The following UBASH3A variants were observed in gnomAD, a reference collection of about 807,000 sequenced individuals.
UBASH3A encodes ubiquitin associated and SH3 domain containing A.
A neutral mutation model predicts 73.5 loss-of-function variants in UBASH3A; 63 were observed. The ratio of observed to expected loss-of-function variants is 0.86; its 90% CI spans 0.70 to 1.06. UBASH3A has a LOEUF of 1.06. UBASH3A is among the 50% of genes least tolerant of loss of function. The pLI is 0.00. For missense variants in UBASH3A, 860 were observed against 859.0 expected (o/e 1.00, Z -0.02); for synonymous variants, 363 against 351.1 (o/e 1.03, Z -0.38).
intron 11 of UBASH3A, 89 bp downstream of exon 11, chr21:42,437,669 G>A: frequency 8.3e-7 from 1 of 1,204,344 alleles, no homozygotes; most frequent in East Asian, 2.4e-5. Flanking sequence ...AGGTGGAATT[G>A]GATGACTGGC....
chr21:42,419,317 T>C (rs928230005), intron 7 of UBASH3A, among the ~76,000 whole-genome samples: 5 of 152,244 alleles, frequency 3.3e-5, no homozygotes, highest in East Asian at 1.9e-4. Flanking sequence ...TTTTGTTCGA[T>C]GTTCTTCCCT....
chr21:42,440,947 T>A (rs550022221), intron 11 of UBASH3A, among the ~76,000 whole-genome samples: 1 of 152,384 alleles, frequency 6.6e-6, no homozygotes, highest in East Asian at 1.9e-4. Flanking sequence ...TGGATTTTTT[T>A]ACTTCTATTA....
chr21:42,426,846 T>C (rs2053445142), intron 8 of UBASH3A, 26 bp downstream of exon 8: 1 of 1,610,586 alleles, frequency 6.2e-7, no homozygotes, highest in East Asian at 2.2e-5. Flanking sequence ...CTTTTTTCTT[T>C]TAAGTAAACT....
intron 14 of UBASH3A, among the ~76,000 whole-genome samples, chr21:42,446,473 T>C (rs935631057): frequency 1.3e-5 from 2 of 152,078 alleles, no homozygotes; most frequent in Non-Finnish European, 2.9e-5. Context: ...TTTTTGTAAA[T>C]TTCATCTGCC....
At chr21:42,432,820 T>C (rs1568931863) in intron 9 of UBASH3A, among the ~76,000 whole-genome samples, 1 of 152,114 alleles carries the variant, frequency 6.6e-6, no homozygotes, top group Non-Finnish European at 1.5e-5. Flanking sequence ...TCTGAGCAGA[T>C]AACATCATGA....
At chr21:42,410,247 AAGG>A in intron 3 of UBASH3A, 2 of 690,476 alleles carry the variant, frequency 2.9e-6, no homozygotes, top group South Asian at 1.5e-5. Flanking sequence ...AGGAGAAAAG[AAGG>A]AGAAGGGAGA....
chr21:42,431,854 A>G (rs2053537601), intron 8 of UBASH3A, among the ~76,000 whole-genome samples: 1 of 152,256 alleles, frequency 6.6e-6, no homozygotes, highest in African/African-American at 2.4e-5. Flanking sequence ...GATAGGGGCC[A>G]ATCCTGTCTC....
Position 42,416,521 on chromosome 21 carries a change from G to A in UBASH3A, c.747G>A (p.Leu249=), listed in dbSNP as rs537036965. The change falls in exon 6 of 15, where the codon CTG becomes CTA. Residue 249 remains leucine (L), a synonymous_variant. Transcript: ENST00000319294. ...TCTACCCCCACCACCAGAGGACGCT[G>A]GAGCAGCTGGCCAGAGCCATCCCCC... is the stretch of plus-strand genomic sequence containing the variant. ...HKFYPHHQRT[L]EQLARAIPLG... The A allele has an allele frequency of 1.2e-6, 2 of 1,612,238 alleles. No homozygotes were observed. Among genetic ancestry groups the A allele is most frequent in the Admixed American group, 3.3e-5 (2 of 59,742 alleles).
In UBASH3A at chr21:42,443,411, A is replaced by C; in HGVS notation, c.1731A>C (p.Pro577=). The C allele has an allele frequency of 6.2e-7, 1 of 1,605,444 alleles. No individual in the cohort carries two copies. ...ASMVQIVNTC[P]QDTGVILIVS... The stretch of plus-strand genomic sequence containing the variant: ...TGGTGCAAATCGTCAACACCTGTCC[A>C]CAGGACAGTAAGTGCCTCACCATCC... The change falls in exon 13 of 15, where the codon CCA becomes CCC. Residue 577 remains proline (P), a synonymous_variant. Transcript: ENST00000319294.
intron 3 of UBASH3A, among the ~76,000 whole-genome samples, chr21:42,409,958 G>A (rs999400072): frequency 6.6e-6 from 1 of 152,150 alleles, no homozygotes; most frequent in Admixed American, 6.5e-5. Flanking sequence ...ACCAGACCGA[G>A]TCCCTCAAGG....
At chr21:42,421,832 G>A (rs2053343701) in intron 7 of UBASH3A, among the ~76,000 whole-genome samples, 1 of 152,048 alleles carries the variant, frequency 6.6e-6, no homozygotes, top group African/African-American at 2.4e-5. Context: ...TTGCATATTG[G>A]TCATTTTTAT....
Position 42,434,838 on chromosome 21 carries a change from A to G in UBASH3A, c.1277A>G (p.Tyr426Cys). The G allele has an allele frequency of 6.2e-7, 1 of 1,612,724 alleles. No homozygotes were observed. The highest frequency in any genetic ancestry group is 8.5e-7 in the Non-Finnish European group (1 of 1,179,392). ...ATGCTTATTTATACTTCAGGGAAAT[A>G]CTACAGGCCAGACCTGAATTTCCCC... ...LQQCSTPDGK[Y>C]YRPDLNFPCS... Residue 426 changes from tyrosine (Y) to cysteine (C), a missense_variant, in exon 10 of 15, where the codon TAC (tyrosine) becomes TGC (cysteine). Coordinates refer to ENST00000319294, the MANE Select transcript of UBASH3A (RefSeq NM_018961.4).
chr21:42,417,073 A>G (rs2053226598), intron 6 of UBASH3A, among the ~76,000 whole-genome samples: 1 of 152,216 alleles, frequency 6.6e-6, no homozygotes, highest in African/African-American at 2.4e-5. Context: ...TACAACCAGC[A>G]TTCTTTTATA....
Position 42,418,469 on chromosome 21 carries a change from C to T in UBASH3A, c.906C>T (p.Tyr302=). The T allele has an allele frequency of 6.2e-7, 1 of 1,614,280 alleles. No individual in the cohort carries two copies. Among genetic ancestry groups the T allele is most frequent in the Middle Eastern group, 1.6e-4 (1 of 6,062 alleles). Residue 302 remains tyrosine, a synonymous_variant, in exon 7 of 15, where the codon TAC becomes TAT. Coordinates refer to ENST00000319294, the MANE Select transcript of UBASH3A (RefSeq NM_018961.4). Reference sequence around the variant, plus strand: ...AGCTGACGCTAAGTCCTGGTGACTACATCTTTGTGGACCCCACGCAGCAGG... The same window carrying T: ...AGCTGACGCTAAGTCCTGGTGACTATATCTTTGTGGACCCCACGCAGCAGG... The part of the protein sequence containing the change: ...VDELTLSPGD[Y]IFVDPTQQDE...
At position 42,427,842 on chromosome 21, in the gene UBASH3A, G is replaced by A. The variant is rs112003424; in HGVS notation, c.1170+1022G>A. On this transcript the variant is annotated intron_variant, in intron 8 of 14. Coordinates refer to ENST00000319294, the MANE Select transcript of UBASH3A (RefSeq NM_018961.4). ...AGAACAACCAAAGGAAGGCTCTGCC[G>A]GGACTTGTCAGTGGCTCACCCTAAG... Among the ~76,000 whole-genome samples, 48 of 152,276 alleles carry A rather than the reference G, an allele frequency of 3.2e-4. No homozygotes were observed. The East Asian group carries it at 8.1e-3, about 26-fold the overall frequency.
intron 7 of UBASH3A, among the ~76,000 whole-genome samples, chr21:42,424,340 C>T (rs2053397681): frequency 6.6e-6 from 1 of 152,218 alleles, no homozygotes; most frequent in Non-Finnish European, 1.5e-5. Context: ...ACCAGTCACC[C>T]ATCACCACTA....
intron 8 of UBASH3A, among the ~76,000 whole-genome samples, chr21:42,427,582 A>G (rs2053459967): frequency 6.6e-6 from 1 of 152,070 alleles, no homozygotes. Context: ...TACCCATTTT[A>G]CAGATCTGAA....
At chr21:42,437,089 C>G (rs928821575) in intron 10 of UBASH3A, among the ~76,000 whole-genome samples, 1 of 152,372 alleles carries the variant, frequency 6.6e-6, no homozygotes, top group Non-Finnish European at 1.5e-5. Flanking sequence ...CTGCTCCCAG[C>G]CCTAGTAGAG....
At chr21:42,445,824 G>C (rs993169075) in intron 14 of UBASH3A, among the ~76,000 whole-genome samples, 2 of 152,180 alleles carry the variant, frequency 1.3e-5, no homozygotes, top group African/African-American at 4.8e-5. Context: ...CACCAGGTGA[G>C]CATTGTCCAA....
Sources: allele counts gnomAD v4.1 joint callset (sites outside exome capture counted in the v4.1 genomes callset), GRCh38; gene constraint gnomAD v4.1.1; transcripts MANE v1.5; gene names NCBI Gene and HGNC (gene_info 2026-07-23, HGNC 2026-07-21).